The following NUP153 variants were observed in gnomAD, a reference collection of about 807,000 sequenced individuals.
NUP153 encodes the protein nuclear pore complex protein Nup153.
A neutral mutation model predicts 134.6 loss-of-function variants in NUP153; 27 were observed. The ratio of observed to expected loss-of-function variants is 0.20; its 90% CI spans 0.15 to 0.28. The LOEUF is 0.28. Ranked by LOEUF, NUP153 falls within the 10% of genes least tolerant of loss-of-function variation. NUP153 has a pLI of 1.00. For missense variants in NUP153, 1,821 were observed against 1,731.3 expected (o/e 1.05, Z -0.92); for synonymous variants, 640 against 623.5 (o/e 1.03, Z -0.40).
rs1554148663 is a variant in NUP153 at position 17,701,843 on chromosome 6, G to GAA, written c.111+4433_111+4434insTT. On this transcript the variant is annotated intron_variant, in intron 1 of 21. Transcript: ENST00000262077. ...GCAAGACTCTGTCTCGGGGGGGGGGGGAAAAAAGCTAAATGCAGGAACTGA... is the reference window on the plus strand; with the variant it reads ...GCAAGACTCTGTCTCGGGGGGGGGGGAAGAAAAAAGCTAAATGCAGGAACTGA... Among the ~76,000 whole-genome samples the GAA allele has an allele frequency of 5.9e-4, 52 of 87,406 alleles. 7 individuals carry two copies. The highest frequency in any genetic ancestry group is 9.8e-4 in the Non-Finnish European group (39 of 39,932). 57.3% of individuals were successfully genotyped at this position (87,406 alleles called of 152,430 possible).
Position 17,649,165 on chromosome 6 carries a change from T to G in NUP153, c.1531A>C (p.Lys511Gln), listed in dbSNP as rs745954125. Residue 511 changes from lysine (K) to glutamine (Q), a missense_variant and splice_region_variant, in exon 12 of 22, where the codon AAG (lysine) becomes CAG (glutamine). Lys to Gln is a moderately conservative substitution (Grantham distance 53). Transcript: ENST00000262077. Reference sequence around the variant, plus strand: ...GTATTTATATAATGGTTTTGTACCTTGTTTGTTAATGCTTGAGACGAATTG... The same window carrying G: ...GTATTTATATAATGGTTTTGTACCTGGTTTGTTAATGCTTGAGACGAATTG... ...PINSSQALTN[K>Q]VQMTSPSSTG... The G allele has an allele frequency of 1.2e-6, 2 of 1,610,940 alleles. No individual in the cohort carries two copies. The highest frequency in any genetic ancestry group is 4.5e-5 in the East Asian group (2 of 44,780).
chr6:17,648,304 C>G (rs1271261248), intron 12 of NUP153, among the ~76,000 whole-genome samples: 1 of 152,112 alleles, frequency 6.6e-6, no homozygotes, highest in African/African-American at 2.4e-5. Flanking sequence ...CTGGGTAACA[C>G]AGCAAGACCT....
intron 5 of NUP153, among the ~76,000 whole-genome samples, chr6:17,670,563 A>C (rs558412330): frequency 6.6e-6 from 1 of 152,342 alleles, no homozygotes; most frequent in African/African-American, 2.4e-5. Context: ...TAGCACCTGC[A>C]GTATGATGTT....
rs1021647362 is a variant in NUP153 at position 17,675,215 on chromosome 6, C to G, written c.723+14G>C. 1.2e-6 allele frequency: 2 copies of G among 1,613,370 alleles called. No individual in the cohort carries two copies. The highest frequency in any genetic ancestry group is 1.7e-6 in the Non-Finnish European group (2 of 1,179,788). ...AAAACTAATGTGATTAAATCCAACC[C>G]AGTTAGTACTCACAGGGGAAAGTGT... On this transcript the variant is annotated intron_variant, in intron 4 of 21. Transcript: ENST00000262077. The surrounding 1 kb of genome is among the most constrained non-coding windows in gnomAD (Gnocchi z 4.4).
chr6:17,663,272 T>TAC (rs1767317333), intron 9 of NUP153, among the ~76,000 whole-genome samples: 3 of 151,574 alleles, frequency 2.0e-5, no homozygotes, highest in African/African-American at 4.8e-5. Context: ...TATATATATA[T>TAC]ATATTTTGAG....
In NUP153 at chr6:17,661,667, G is replaced by A; in HGVS notation, c.1381C>T (p.Pro461Ser). The A allele has an allele frequency of 6.2e-7, 1 of 1,613,590 alleles. No homozygotes were observed. Among genetic ancestry groups the A allele is most frequent in the Non-Finnish European group, 8.5e-7 (1 of 1,179,726 alleles). The change falls in exon 11 of 22, where the codon CCT (proline) becomes TCT (serine). Residue 461 changes from proline (P) to serine (S), a missense_variant. Physicochemically the swap from Pro to Ser is moderately conservative, Grantham distance 74 (BLOSUM62 -1). Coordinates refer to ENST00000262077, the MANE Select transcript of NUP153 (RefSeq NM_005124.4). ...TACAACCCTACCTCCTCCTCCAGAG[G>A]TTTAGAAGCAACAAAGCGTGTTCTT... Reference protein sequence around the residue: ...RERTRFVASKPLEEEEMEVPV... With the variant: ...RERTRFVASKSLEEEEMEVPV...
At chr6:17,673,852 A>G (rs1026684342) in intron 5 of NUP153, among the ~76,000 whole-genome samples, 1 of 152,186 alleles carries the variant, frequency 6.6e-6, no homozygotes, top group Non-Finnish European at 1.5e-5. Flanking sequence ...TTCAACTCCT[A>G]GGTATTTGTA....
At chr6:17,616,741 G>GT (rs758614648) in intron 20 of NUP153, 46 bp from the exon 21 acceptor site, 4 of 1,554,452 alleles carry the variant, frequency 2.6e-6, no homozygotes, top group Admixed American at 1.8e-5. Flanking sequence ...AAAATGATAG[G>GT]TTTTTTTGTT....
chr6:17,632,845 CTA>C lies in NUP153; in HGVS notation c.2465-3_2465-2del. On this transcript the variant is annotated splice_acceptor_variant and splice_polypyrimidine_tract_variant and intron_variant, in intron 16 of 21. Coordinates refer to ENST00000262077, the MANE Select transcript of NUP153 (RefSeq NM_005124.4). LOFTEE classifies it high-confidence loss of function. ...CTACTTGAAGCAGGTACTGAACTTC[CTA>C]AAAAAAAAAAAAAAAACGGGGAGTG... is the stretch of plus-strand genomic sequence containing the variant. 2 of 999,378 alleles carry C rather than the reference CTA, an allele frequency of 2.0e-6. No individual in the cohort carries two copies. The highest frequency in any genetic ancestry group is 2.7e-6 in the Non-Finnish European group (2 of 743,470). 61.9% of individuals were successfully genotyped at this position (999,378 alleles called of 1,614,324 possible). A position where few individuals can be genotyped will look rare whatever the true frequency, so the allele number is the denominator to read the frequency against.
At chr6:17,682,790 T>C (rs1229429802) in intron 2 of NUP153, among the ~76,000 whole-genome samples, 1 of 151,974 alleles carries the variant, frequency 6.6e-6, no homozygotes, top group Non-Finnish European at 1.5e-5. Flanking sequence ...TGGTGGCACA[T>C]GCCTGTAGTC....
At chr6:17,635,144 C>G (rs1374570775) in intron 16 of NUP153, among the ~76,000 whole-genome samples, 3 of 125,976 alleles carry the variant, frequency 2.4e-5, no homozygotes, top group African/African-American at 9.3e-5. Context: ...GAGTCTCGCT[C>G]TGTCGCCCAG....
In NUP153 at chr6:17,675,803, C is replaced by G. The variant is rs746471079; in HGVS notation, c.335-33G>C. ...GAAAAGCATTAATATTATGAATATA[C>G]AACTTAGAGCGATACACTACCACAA... On this transcript the variant is annotated intron_variant, in intron 2 of 21. Coordinates refer to ENST00000262077, the MANE Select transcript of NUP153 (RefSeq NM_005124.4). This position sits in a 1 kb window ranked among gnomAD's most constrained non-coding sequence, Gnocchi z 4.4. 1 of 1,593,730 alleles carries G rather than the reference C, an allele frequency of 6.3e-7. No individual in the cohort carries two copies. Among genetic ancestry groups the G allele is most frequent in the Non-Finnish European group, 8.6e-7 (1 of 1,161,672 alleles).
intron 15 of NUP153, 22 bp from the exon 16 acceptor site, chr6:17,637,792 G>C (rs1323618526): frequency 1.5e-5 from 24 of 1,568,916 alleles, no homozygotes; most frequent in South Asian, 8.0e-5. Context: ...GAAGGAGAGA[G>C]TGCAACGTTA....
At chr6:17,619,441 A>G (rs1169568114) in intron 20 of NUP153, 1 of 152,196 alleles carries the variant, frequency 6.6e-6, no homozygotes, top group Non-Finnish European at 1.5e-5. Flanking sequence ...AGAATGGTAA[A>G]AAGAGGTTTC....
At chr6:17,690,074 A>G (rs1232417208) in intron 1 of NUP153, among the ~76,000 whole-genome samples, 2 of 152,042 alleles carry the variant, frequency 1.3e-5, no homozygotes, top group Non-Finnish European at 2.9e-5. Context: ...GAGTAAAAGT[A>G]TGGGCTTTGG....
intron 11 of NUP153, among the ~76,000 whole-genome samples, chr6:17,657,385 T>TAA (rs151192201): frequency 1.5e-5 from 2 of 137,900 alleles, no homozygotes; most frequent in African/African-American, 5.6e-5. Flanking sequence ...TCTACTAAAA[T>TAA]AAAAAAATAA....
chr6:17,630,865 G>C (rs1171916875), intron 17 of NUP153, among the ~76,000 whole-genome samples: 1 of 151,944 alleles, frequency 6.6e-6, no homozygotes, highest in Non-Finnish European at 1.5e-5. Flanking sequence ...CAAAGTCTTG[G>C]TTTCATAATG....
At chr6:17,644,479 ATTGT>A (rs1766032761) in intron 14 of NUP153, among the ~76,000 whole-genome samples, 1 of 152,132 alleles carries the variant, frequency 6.6e-6, no homozygotes, top group Non-Finnish European at 1.5e-5. Flanking sequence ...CTCATGACAA[ATTGT>A]TTGCAATTCT....
At position 17,629,483 on chromosome 6, in the gene NUP153, C is replaced by T. The variant is rs537793382; in HGVS notation, c.2716G>A (p.Gly906Ser). The change falls in exon 18 of 22, where the codon GGT becomes AGT. Residue 906 changes from glycine (G) to serine (S), a missense_variant. By Grantham distance (56) the Gly-to-Ser change is moderately conservative. Transcript: ENST00000262077. ...NSAASSSFKF[G>S]VSSSSSGPSQ... Reference sequence around the variant, plus strand: ...GGCCCAGAAGAGGATGATGAGACACCAAATTTGAAGGATGAGGAGGCTGCT... The same window carrying T: ...GGCCCAGAAGAGGATGATGAGACACTAAATTTGAAGGATGAGGAGGCTGCT... The T allele has an allele frequency of 6.2e-7, 1 of 1,608,244 alleles. No homozygotes were observed. Among genetic ancestry groups the T allele is most frequent in the African/African-American group, 1.3e-5 (1 of 74,568 alleles).
Sources: gnomAD v4.1 joint callset for allele counts (sites outside exome capture counted in the v4.1 genomes callset) on GRCh38, gnomAD v4.1.1 for gene constraint, Gnocchi (gnomAD v3.1) non-coding constraint, MANE v1.5 for transcripts, NCBI Gene and HGNC (gene_info 2026-07-23, HGNC 2026-07-21) for gene names.